CSTL1: variants seen among roughly 807,000 people sequenced by gnomAD.
The protein encoded by CSTL1 is cystatin like 1.
Under a neutral mutation model 14.4 loss-of-function variants are expected in CSTL1, and 14 were observed. That is an observed-to-expected ratio of 0.97 (90% CI 0.64 to 1.52). The LOEUF (loss-of-function observed/expected upper bound fraction) is 1.52, where lower values mean the gene tolerates loss of function less well. CSTL1 is among the 40% of genes most tolerant of loss of function. The pLI, the probability that CSTL1 is intolerant of heterozygous loss-of-function variation, is 0.00. For missense variants in CSTL1, 170 were observed against 168.7 expected, an observed-to-expected ratio of 1.01 and a Z score of -0.04; for synonymous variants, 72 against 67.5, an observed-to-expected ratio of 1.07 and a Z score of -0.33.
the CSTL1 span, among the ~76,000 whole-genome samples, chr20:23,451,110 A>G: frequency 6.6e-6 from 1 of 151,882 alleles, no homozygotes; most frequent in African/African-American, 2.4e-5. Context: ...ATCTCCATTC[A>G]TTCTTCCATT....
the CSTL1 span, among the ~76,000 whole-genome samples, chr20:23,455,131 C>T: frequency 5.3e-5 from 8 of 152,172 alleles, no homozygotes; most frequent in Non-Finnish European, 8.8e-5. Flanking sequence ...GAGAAAAAGA[C>T]GAAAGGATTG....
the CSTL1 span, chr20:23,452,799 G>T: frequency 3.1e-6 from 5 of 1,613,356 alleles, 1 homozygote; most frequent in Non-Finnish European, 3.4e-6. Context: ...GCCTGCCAGG[G>T]CTCAGCCATC....
chr20:23,447,283 G>C (rs1986986829), downstream of CSTL1, among the ~76,000 whole-genome samples: 1 of 152,164 alleles, frequency 6.6e-6, no homozygotes. Context: ...GTGGTCGTGT[G>C]TAGTTATAGT....
the CSTL1 span, among the ~76,000 whole-genome samples, chr20:23,456,388 A>G: frequency 6.6e-6 from 1 of 152,120 alleles, no homozygotes; most frequent in Admixed American, 6.5e-5. Context: ...TATGCACACC[A>G]CATCTCCTCT....
Position 23,444,049 on chromosome 20 carries a change from G to A in CSTL1, c.330+5G>A. 1.2e-6 allele frequency: 2 copies of A among 1,607,558 alleles called. No individual in the cohort carries two copies. The highest frequency in any genetic ancestry group is 1.7e-6 in the Non-Finnish European group (2 of 1,174,204). On this transcript the variant is annotated splice_donor_5th_base_variant and intron_variant, in intron 3 of 3. Coordinates refer to ENST00000347397, the MANE Select transcript of CSTL1 (RefSeq NM_138283.1). ...CAAAGCAAGAAGCTGAGAAAGGTGT[G>A]TAGTGGAAGTCATCCCAAAGGGACT...
At chr20:23,456,030 T>C in the CSTL1 span, among the ~76,000 whole-genome samples, 1 of 152,204 alleles carries the variant, frequency 6.6e-6, no homozygotes, top group Non-Finnish European at 1.5e-5. Context: ...TTCATAATTC[T>C]TTACCTCAGC....
At chr20:23,447,106 C>T (rs956966120), downstream of CSTL1, among the ~76,000 whole-genome samples, 3 of 152,192 alleles carry the variant, frequency 2.0e-5, no homozygotes, top group Non-Finnish European at 4.4e-5. Context: ...GACCACCCTA[C>T]GAAATGGCAA....
chr20:23,453,576 C>G, the CSTL1 span, among the ~76,000 whole-genome samples: 1 of 152,150 alleles, frequency 6.6e-6, no homozygotes, highest in Non-Finnish European at 1.5e-5. Context: ...GAAGAAGCCA[C>G]TGGTGGGTGG....
At chr20:23,448,397 G>C (rs1018108124), downstream of CSTL1, among the ~76,000 whole-genome samples, 2 of 152,188 alleles carry the variant, frequency 1.3e-5, no homozygotes, top group African/African-American at 4.8e-5. Flanking sequence ...AGAGCTCTCC[G>C]GCGATGGAGC....
At chr20:23,447,988 C>CT (rs917988565), downstream of CSTL1, among the ~76,000 whole-genome samples, 41 of 151,724 alleles carry the variant, frequency 2.7e-4, no homozygotes, top group African/African-American at 9.2e-4. Context: ...CTATTTCTAT[C>CT]TTTTTTTTGC....
In CSTL1 at chr20:23,440,393, T is replaced by C; in HGVS notation, c.126T>C (p.Asn42=). 1 of 1,614,134 alleles carries C rather than the reference T, an allele frequency of 6.2e-7. No individual in the cohort carries two copies. The highest frequency in any genetic ancestry group is 8.5e-7 in the Non-Finnish European group (1 of 1,180,002). ...AGCTCATGAGCAAGAAGAACATGAA[T>C]TCAACACTCAACTTCTTCATTCAAT... ...QQKLMSKKNM[N]STLNFFIQSY... The change falls in exon 2 of 4, where the codon AAT becomes AAC. Residue 42 remains asparagine (N), a synonymous_variant. Transcript: ENST00000347397.
downstream of CSTL1, among the ~76,000 whole-genome samples, chr20:23,446,042 C>T (rs1344232408): frequency 6.6e-6 from 1 of 152,152 alleles, no homozygotes; most frequent in Non-Finnish European, 1.5e-5. Flanking sequence ...GGGGACTGGT[C>T]ATGAAGGTAG....
the CSTL1 span, among the ~76,000 whole-genome samples, chr20:23,454,276 C>A: frequency 6.6e-6 from 1 of 151,362 alleles, no homozygotes; most frequent in African/African-American, 2.4e-5. Context: ...ACACACAACA[C>A]ACAGATACAC....
chr20:23,452,693 A>G, the CSTL1 span: 3 of 1,614,004 alleles, frequency 1.9e-6, no homozygotes, highest in Non-Finnish European at 2.5e-6. Flanking sequence ...ATAGTTTTCT[A>G]CTGCCATCAC....
At chr20:23,452,794 C>A in the CSTL1 span, 1 of 1,613,506 alleles carries the variant, frequency 6.2e-7, no homozygotes, top group African/African-American at 1.3e-5. Context: ...GTAGGGCCTG[C>A]CAGGGCTCAG....
At chr20:23,460,261 A>C in the CSTL1 span, among the ~76,000 whole-genome samples, 1 of 152,246 alleles carries the variant, frequency 6.6e-6, no homozygotes, top group South Asian at 2.1e-4. Flanking sequence ...TCCACATTCA[A>C]CCAGGGTTCT....
the CSTL1 span, chr20:23,459,370 T>TG: frequency 6.6e-6 from 1 of 152,132 alleles, no homozygotes; most frequent in Non-Finnish European, 1.5e-5. Context: ...ACCTGCAAAA[T>TG]GGGTATAAAA....
chr20:23,449,239 C>T (rs1205994184), downstream of CSTL1, among the ~76,000 whole-genome samples: 1 of 152,134 alleles, frequency 6.6e-6, no homozygotes, highest in African/African-American at 2.4e-5. Flanking sequence ...TATTTGTGCA[C>T]CGTCTCTGCC....
the CSTL1 span, among the ~76,000 whole-genome samples, chr20:23,453,938 CACAG>C: frequency 1.3e-5 from 2 of 152,034 alleles, no homozygotes; most frequent in Non-Finnish European, 2.9e-5. Flanking sequence ...CACACTGAAA[CACAG>C]ACACACAACA....
Sources: allele counts gnomAD v4.1 joint callset (sites outside exome capture counted in the v4.1 genomes callset), GRCh38; gene constraint gnomAD v4.1.1; transcripts MANE v1.5; gene names NCBI Gene and HGNC (gene_info 2026-07-23, HGNC 2026-07-21).